Variants in LCMT1 observed in about 807,000 individuals in gnomAD.
The protein encoded by LCMT1 is [Phosphatase 2A protein]-leucine-carboxy methyltransferase 1.
LCMT1 carries 32 observed loss-of-function variants against 47.7 expected under a neutral mutation model. The ratio of observed to expected loss-of-function variants is 0.67; its 90% CI spans 0.51 to 0.90. The LOEUF (loss-of-function observed/expected upper bound fraction) is 0.90. LCMT1 is among the 40% of genes least tolerant of loss of function. The pLI is 0.00. For missense variants in LCMT1, 375 were observed against 415.2 expected, an observed-to-expected ratio of 0.90 and a Z score of 0.84; for synonymous variants, 152 against 149.7, an observed-to-expected ratio of 1.02 and a Z score of -0.11.
intron 1 of LCMT1, chr16:25,126,122 A>C: frequency 2.2e-6 from 3 of 1,351,682 alleles, no homozygotes; most frequent in Non-Finnish European, 2.0e-6. Context: ...GCGGAGTGGG[A>C]GGAGGAAAGT....
chr16:25,162,224 A>C (rs1961452528), intron 6 of LCMT1, among the ~76,000 whole-genome samples: 2 of 152,210 alleles, frequency 1.3e-5, no homozygotes, highest in African/African-American at 4.8e-5. Context: ...GAATCCTGAC[A>C]GGAATATGCA....
intron 3 of LCMT1, among the ~76,000 whole-genome samples, chr16:25,132,776 T>G (rs1960390961): frequency 6.6e-6 from 1 of 151,674 alleles, no homozygotes; most frequent in African/African-American, 2.4e-5. Flanking sequence ...TATATTTCCC[T>G]CAGTATGAGT....
intron 1 of LCMT1, 108 bp from the exon 2 acceptor site, chr16:25,128,367 G>A (rs1960248689): frequency 1.4e-6 from 1 of 720,338 alleles, no homozygotes; most frequent in South Asian, 1.9e-5. Context: ...GAGGTGGATG[G>A]TTGGTTTTCG....
chr16:25,154,032 T>A (rs192945975), intron 5 of LCMT1, among the ~76,000 whole-genome samples: 75 of 152,212 alleles, frequency 4.9e-4, no homozygotes, highest in African/African-American at 1.8e-3. Context: ...TTTTTTGAGA[T>A]GGAGTCTCCC....
intron 4 of LCMT1, chr16:25,148,794 C>G (rs530101589): frequency 6.7e-4 from 102 of 152,268 alleles, no homozygotes; most frequent in African/African-American, 2.3e-3. Context: ...TCACAAGCCT[C>G]CCCTGCAGGG....
At chr16:25,140,375 CT>C (rs548353229) in intron 4 of LCMT1, 128 bp downstream of exon 4, 456 of 673,980 alleles carry the variant, frequency 6.8e-4, no homozygotes, top group South Asian at 8.7e-4. Flanking sequence ...CCCCCACCAA[CT>C]TTTTTTTTGC....
intron 1 of LCMT1, among the ~76,000 whole-genome samples, chr16:25,114,002 T>G (rs1959711410): frequency 6.6e-6 from 1 of 152,190 alleles, no homozygotes; most frequent in African/African-American, 2.4e-5. Flanking sequence ...TTAAATGAGA[T>G]TATCGATGCA....
At chr16:25,134,639 C>A (rs1960450664) in intron 3 of LCMT1, among the ~76,000 whole-genome samples, 1 of 152,214 alleles carries the variant, frequency 6.6e-6, no homozygotes, top group African/African-American at 2.4e-5. Context: ...CTCACTCTCT[C>A]ACCCAGGCTG....
At chr16:25,145,239 G>GT (rs1296509294) in intron 4 of LCMT1, 2 of 152,130 alleles carry the variant, frequency 1.3e-5, no homozygotes, top group Non-Finnish European at 2.9e-5. Flanking sequence ...GGCTGACCTT[G>GT]TATCACCGCT....
intron 5 of LCMT1, among the ~76,000 whole-genome samples, chr16:25,156,760 T>G (rs541107361): frequency 9.9e-5 from 15 of 152,152 alleles, no homozygotes; most frequent in Non-Finnish European, 1.8e-4. Context: ...TTACCACACT[T>G]GCCCTTGTTC....
chr16:25,163,597 C>T (rs890206146), intron 6 of LCMT1, among the ~76,000 whole-genome samples: 6 of 151,642 alleles, frequency 4.0e-5, no homozygotes, highest in Non-Finnish European at 5.9e-5. Flanking sequence ...ATGAACAAAA[C>T]AGCTTACACA....
At chr16:25,119,201 C>T (rs370244459) in intron 1 of LCMT1, among the ~76,000 whole-genome samples, 2 of 152,008 alleles carry the variant, frequency 1.3e-5, no homozygotes, top group South Asian at 4.2e-4. Flanking sequence ...CTGAGGGGCC[C>T]AAGATGACTC....
rs532438085 is a variant in LCMT1, at chr16:25,126,118, T to C, written c.114-2357T>C. 8.9e-6 allele frequency: 12 copies of C among 1,351,624 alleles called. No homozygotes were observed. The African/African-American group carries it at 1.3e-4, about 15-fold the overall frequency. The allele number at this position is 1,351,624 out of a possible 1,614,324, so 83.7% of individuals were successfully genotyped here. A position where few individuals can be genotyped will look rare whatever the true frequency, so the allele number is the denominator to read the frequency against. On this transcript the variant is annotated intron_variant, in intron 1 of 10. Transcript: ENST00000399069. The stretch of plus-strand genomic sequence containing the variant: ...GTTGCAGTCACCTGGGTTTGCGGAG[T>C]GGGAGGAGGAAAGTGTTAGGGGCAC...
Position 25,156,220 on chromosome 16 carries a change from CA to C in LCMT1, c.466+4606del, listed in dbSNP as rs537420552. ...TCACACTCTTCTCTTTCAGTTTCCT[CA>C]TGGTACTGACTGCTCCTTGATATAT... On this transcript the variant is annotated intron_variant, in intron 5 of 10. Transcript: ENST00000399069. Among the ~76,000 whole-genome samples, 23 of 152,310 alleles carry C rather than the reference CA, an allele frequency of 1.5e-4. No individual in the cohort carries two copies. In the East Asian group the frequency reaches 4.4e-3, roughly 29 times the overall value.
intron 5 of LCMT1, chr16:25,158,956 C>T (rs1284990736): frequency 2.0e-5 from 3 of 152,152 alleles, no homozygotes; most frequent in Non-Finnish European, 4.4e-5. Flanking sequence ...TGCAGAGTGG[C>T]GGGTGAGCCT....
Position 25,178,034 on chromosome 16 carries a change from G to C in LCMT1, c.*11G>C. The C allele has an allele frequency of 6.2e-7, 1 of 1,613,480 alleles. No individual in the cohort carries two copies. The highest frequency in any genetic ancestry group is 2.2e-5 in the East Asian group (1 of 44,856). The stretch of plus-strand genomic sequence containing the variant: ...GAGATAACTTATTAATCTGTCGAAG[G>C]CTTATGCCGAGCCAGAAGCCGAAGC... On this transcript the variant is annotated 3_prime_UTR_variant, in exon 11 of 11. Transcript: ENST00000399069.
At chr16:25,136,368 T>A (rs918903383) in intron 3 of LCMT1, among the ~76,000 whole-genome samples, 1 of 151,870 alleles carries the variant, frequency 6.6e-6, no homozygotes, top group East Asian at 1.9e-4. Context: ...GCATGCAGGC[T>A]ATTTGGAGTG....
intron 5 of LCMT1, 81 bp downstream of exon 5, chr16:25,151,696 GGTGTGT>G (rs139504024): frequency 2.7e-5 from 16 of 601,938 alleles, no homozygotes; most frequent in Admixed American, 1.7e-4. Context: ...GTTTGTGTTG[GGTGTGT>G]GTGTGTGTGT....
At chr16:25,150,857 A>G (rs1201867062) in intron 4 of LCMT1, among the ~76,000 whole-genome samples, 1 of 149,564 alleles carries the variant, frequency 6.7e-6, no homozygotes, top group African/African-American at 2.6e-5. Context: ...CTTTCCTGAT[A>G]TATTTAATTT....
Sources: gnomAD v4.1 joint callset for allele counts (sites outside exome capture counted in the v4.1 genomes callset) on GRCh38, gnomAD v4.1.1 for gene constraint, MANE v1.5 for transcripts, NCBI Gene and HGNC (gene_info 2026-07-23, HGNC 2026-07-21) for gene names.